The following PCCA variants were observed in gnomAD, a reference collection of about 807,000 sequenced individuals.
PCCA encodes propionyl-CoA carboxylase subunit alpha.
A neutral mutation model predicts 101.3 loss-of-function variants in PCCA; 74 were observed. The observed-to-expected ratio is 0.73, with a 90% CI of 0.61 to 0.89. The LOEUF (loss-of-function observed/expected upper bound fraction) is 0.89. Ranked by LOEUF, PCCA falls within the 40% of genes least tolerant of loss-of-function variation. The pLI is 0.00. For missense variants in PCCA, 891 were observed against 907.0 expected (o/e 0.98, Z 0.23); for synonymous variants, 294 against 313.6 (o/e 0.94, Z 0.66).
intron 8 of PCCA, chr13:100,236,597 A>T (rs1020733874): frequency 3.4e-4 from 52 of 152,196 alleles, no homozygotes; most frequent in African/African-American, 1.2e-3. Context: ...AGTAGCTGGG[A>T]TTACAGGTGC....
chr13:100,523,137 T>C (rs1018671233), intron 22 of PCCA, among the ~76,000 whole-genome samples: 1 of 152,220 alleles, frequency 6.6e-6, no homozygotes, highest in African/African-American at 2.4e-5. Context: ...GCATGTTTTC[T>C]GAGAGGGGGC....
At chr13:100,520,605 AG>A (rs2087191795) in intron 22 of PCCA, among the ~76,000 whole-genome samples, 2 of 138,342 alleles carry the variant, frequency 1.4e-5, no homozygotes, top group Non-Finnish European at 3.0e-5. Context: ...ACAGCACTCC[AG>A]CCTGGGCGAC....
chr13:100,168,494 T>G (rs537344682), intron 6 of PCCA, among the ~76,000 whole-genome samples: 2 of 152,360 alleles, frequency 1.3e-5, no homozygotes, highest in South Asian at 4.1e-4. Context: ...GAATGAATTC[T>G]GGAGTGTTCC....
chr13:100,482,187 G>A (rs1276447606), intron 21 of PCCA, among the ~76,000 whole-genome samples: 5 of 152,224 alleles, frequency 3.3e-5, no homozygotes, highest in African/African-American at 7.2e-5. Flanking sequence ...CGATAGCCAC[G>A]TAGGGCTGGT....
intron 16 of PCCA, among the ~76,000 whole-genome samples, chr13:100,323,622 T>A (rs2152721482): frequency 6.6e-6 from 1 of 152,214 alleles, no homozygotes; most frequent in East Asian, 1.9e-4. Flanking sequence ...GGCCAGGAGC[T>A]CCATTCTTAA....
chr13:100,272,661 A>G (rs558749991), intron 11 of PCCA, among the ~76,000 whole-genome samples: 2 of 152,198 alleles, frequency 1.3e-5, no homozygotes, highest in Admixed American at 6.5e-5. Flanking sequence ...AAGGGAGAGC[A>G]TCACCTTGTT....
At chr13:100,354,429 C>G (rs2073736072) in intron 18 of PCCA, among the ~76,000 whole-genome samples, 1 of 151,280 alleles carries the variant, frequency 6.6e-6, no homozygotes, top group African/African-American at 2.4e-5. Flanking sequence ...AAGGAAGGAT[C>G]AATTACCTTA....
At chr13:100,313,317 C>T (rs1400720430) in intron 16 of PCCA, among the ~76,000 whole-genome samples, 2 of 152,224 alleles carry the variant, frequency 1.3e-5, no homozygotes, top group South Asian at 2.1e-4. Context: ...ATTGAGACAG[C>T]GTTATTGCAA....
intron 21 of PCCA, among the ~76,000 whole-genome samples, chr13:100,467,920 A>G (rs1321475408): frequency 6.6e-6 from 1 of 152,196 alleles, no homozygotes; most frequent in Non-Finnish European, 1.5e-5. Flanking sequence ...GCCCAGATCC[A>G]TCAGAGGAAA....
intron 18 of PCCA, among the ~76,000 whole-genome samples, chr13:100,344,703 C>G (rs567253410): frequency 1.3e-5 from 2 of 152,298 alleles, no homozygotes; most frequent in East Asian, 3.9e-4. Flanking sequence ...TAGAGACTGT[C>G]ATACAGGCAC....
intron 7 of PCCA, 146 bp from the exon 8 acceptor site, chr13:100,235,696 A>G (rs541377359): frequency 6.6e-6 from 4 of 601,810 alleles, no homozygotes; most frequent in African/African-American, 5.5e-5. Context: ...TTAATTTTAC[A>G]TTTCTCTGAA....
At chr13:100,243,549 C>G in intron 8 of PCCA, among the ~76,000 whole-genome samples, 1 of 152,132 alleles carries the variant, frequency 6.6e-6, no homozygotes, top group East Asian at 1.9e-4. Context: ...TCAGTATATA[C>G]TTGTTAGTGA....
chr13:100,115,773 G>A (rs2048739044), intron 4 of PCCA, among the ~76,000 whole-genome samples: 1 of 152,202 alleles, frequency 6.6e-6, no homozygotes, highest in African/African-American at 2.4e-5. Flanking sequence ...TGAAGCAGAT[G>A]TGGTAGTTTT....
intron 21 of PCCA, among the ~76,000 whole-genome samples, chr13:100,458,166 G>A (rs1020281610): frequency 1.3e-5 from 2 of 151,686 alleles, no homozygotes; most frequent in Non-Finnish European, 2.9e-5. Flanking sequence ...TTCCTGTTAC[G>A]CTGTTTGAAC....
chr13:100,184,110 T>C (rs1169531044), intron 6 of PCCA, among the ~76,000 whole-genome samples: 1 of 152,040 alleles, frequency 6.6e-6, no homozygotes, highest in African/African-American at 2.4e-5. Context: ...CTTACAGTCA[T>C]GGTGGAGGGC....
At chr13:100,135,446 A>C (rs1372425603) in intron 4 of PCCA, among the ~76,000 whole-genome samples, 1 of 152,122 alleles carries the variant, frequency 6.6e-6, no homozygotes, top group African/African-American at 2.4e-5. Context: ...TTATTGTTTA[A>C]AAAATTTTGG....
intron 12 of PCCA, among the ~76,000 whole-genome samples, chr13:100,283,970 A>T (rs1360676651): frequency 2.0e-5 from 3 of 152,290 alleles, no homozygotes; most frequent in Non-Finnish European, 4.4e-5. Flanking sequence ...ATGATCCAAC[A>T]ACAGGACTGA....
chr13:100,165,732 T>C (rs2054963191), intron 6 of PCCA, among the ~76,000 whole-genome samples: 1 of 152,088 alleles, frequency 6.6e-6, no homozygotes, highest in African/African-American at 2.4e-5. Context: ...CAGCATGCAG[T>C]TTTTAAAGCA....
chr13:100,090,703 C>T (rs568649729), intron 1 of PCCA, among the ~76,000 whole-genome samples: 1 of 152,104 alleles, frequency 6.6e-6, no homozygotes, highest in Non-Finnish European at 1.5e-5. Context: ...TTTGACCAAG[C>T]CAAGATTTTG....
Sources: allele counts gnomAD v4.1 joint callset (sites outside exome capture counted in the v4.1 genomes callset), GRCh38; gene constraint gnomAD v4.1.1; transcripts MANE v1.5; gene names NCBI Gene and HGNC (gene_info 2026-07-23, HGNC 2026-07-21).